KIAA0319: variants seen among roughly 807,000 people sequenced by gnomAD.
KIAA0319 encodes dyslexia-associated protein KIAA0319.
A neutral mutation model predicts 108.4 loss-of-function variants in KIAA0319; 83 were observed. The observed-to-expected ratio is 0.77, with a 90% CI of 0.64 to 0.92. The LOEUF is 0.92. Among genes scored for constraint, KIAA0319 ranks in the 40% least tolerant of loss-of-function variants. The pLI is 0.00. For missense variants in KIAA0319, 1,195 were observed against 1,322.4 expected, an observed-to-expected ratio of 0.90 and a Z score of 1.49; for synonymous variants, 484 against 510.4, an observed-to-expected ratio of 0.95 and a Z score of 0.70.
At chr6:24,583,483 C>T (rs748089189) in intron 5 of KIAA0319, 121 bp downstream of exon 5, 88 of 718,210 alleles carry the variant, frequency 1.2e-4, no homozygotes, top group Non-Finnish European at 1.9e-4. Context: ...TGTCCTCCAC[C>T]TTTGTTTGTG....
At chr6:24,628,147 A>G (rs1342238152) in intron 1 of KIAA0319, among the ~76,000 whole-genome samples, 2 of 152,196 alleles carry the variant, frequency 1.3e-5, no homozygotes, top group Non-Finnish European at 2.9e-5. Flanking sequence ...AGCTTCCTAA[A>G]TCACCATATT....
chr6:24,570,921 T>C (rs1371712220), intron 11 of KIAA0319, among the ~76,000 whole-genome samples: 1 of 152,204 alleles, frequency 6.6e-6, no homozygotes, highest in African/African-American at 2.4e-5. Context: ...CAGGGCGTGG[T>C]AGTTCACGCC....
In KIAA0319 at chr6:24,583,678, C is replaced by T; in HGVS notation, c.1019G>A (p.Gly340Glu). ...RTVKELTVSA[G>E]DNLIITLPDN... ...GGGTAAAGTTATAATTAGGTTATCT[C>T]CAGCCGATACCGTAAGTTCTTTCAC... The change falls in exon 5 of 21, where the codon GGA becomes GAA. Residue 340 changes from glycine to glutamate, a missense_variant. Gly to Glu is a moderately conservative substitution (Grantham distance 98). Coordinates refer to ENST00000378214, the MANE Select transcript of KIAA0319 (RefSeq NM_014809.4). 6.2e-7 allele frequency: 1 copy of T among 1,612,486 alleles called. No homozygotes were observed. Among genetic ancestry groups the T allele is most frequent in the Non-Finnish European group, 8.5e-7 (1 of 1,178,764 alleles).
At chr6:24,566,171 G>A (rs1379429222) in intron 14 of KIAA0319, among the ~76,000 whole-genome samples, 1 of 152,224 alleles carries the variant, frequency 6.6e-6, no homozygotes, top group Non-Finnish European at 1.5e-5. Flanking sequence ...GGACCGAACT[G>A]TGTCTTTCCC....
chr6:24,553,270 G>GATATATATATATATATATATATATATAT (rs1341452189), intron 19 of KIAA0319, among the ~76,000 whole-genome samples: 8 of 105,984 alleles, frequency 7.5e-5, no homozygotes, highest in African/African-American at 2.8e-4. Context: ...GTACTTGTGA[G>GATATATATATATATATATATATATATAT]ATAGATATAT....
intron 1 of KIAA0319, among the ~76,000 whole-genome samples, chr6:24,604,421 C>T (rs1440370474): frequency 6.6e-6 from 1 of 152,200 alleles, no homozygotes; most frequent in Admixed American, 6.5e-5. Context: ...TCAAGAATCC[C>T]ATGGATACAG....
At chr6:24,550,451 A>AG (rs1258430332) in intron 20 of KIAA0319, among the ~76,000 whole-genome samples, 1 of 152,276 alleles carries the variant, frequency 6.6e-6, no homozygotes, top group African/African-American at 2.4e-5. Flanking sequence ...ATCGGTGTTT[A>AG]GCAGCCTCAG....
chr6:24,554,730 G>A, intron 18 of KIAA0319, 99 bp from the exon 19 acceptor site: 1 of 836,436 alleles, frequency 1.2e-6, no homozygotes, highest in Non-Finnish European at 2.0e-6. Flanking sequence ...TCCCTACAAG[G>A]AAAGGCCACC....
Position 24,612,821 on chromosome 6 carries a change from C to CT in KIAA0319, c.-105-11614dup, listed in dbSNP as rs562155088. 9.9e-4 allele frequency among the ~76,000 whole-genome samples: 151 copies of CT among 152,250 alleles called. 1 individual carries two copies. The highest frequency in any genetic ancestry group is 3.4e-3 in the African/African-American group (142 of 41,542). ...TTTTTTGTTGTTGTTGTTTTTGAGA[C>CT]TGAGTCTCACTCTGTCGCCCAGGCT... On this transcript the variant is annotated intron_variant, in intron 1 of 20. Coordinates refer to ENST00000378214, the MANE Select transcript of KIAA0319 (RefSeq NM_014809.4).
chr6:24,572,454 T>G, intron 11 of KIAA0319, 121 bp downstream of exon 11: 1 of 1,113,364 alleles, frequency 9.0e-7, no homozygotes, highest in Middle Eastern at 2.4e-4. Context: ...GAAATTAGTT[T>G]TATATGGAGC....
At chr6:24,605,088 G>A (rs563111456) in intron 1 of KIAA0319, among the ~76,000 whole-genome samples, 1 of 152,156 alleles carries the variant, frequency 6.6e-6, no homozygotes, top group Non-Finnish European at 1.5e-5. Flanking sequence ...TGATCCACCC[G>A]CCTTGGCCTC....
chr6:24,557,154 G>A (rs1055450552), intron 17 of KIAA0319, among the ~76,000 whole-genome samples: 1 of 152,068 alleles, frequency 6.6e-6, no homozygotes, highest in Non-Finnish European at 1.5e-5. Flanking sequence ...GCAGTGAGCC[G>A]AGATCGCGCC....
intron 15 of KIAA0319, 31 bp downstream of exon 15, chr6:24,564,171 G>A (rs1763520131): frequency 6.2e-7 from 1 of 1,613,664 alleles, no homozygotes; most frequent in East Asian, 2.2e-5. Context: ...GCCAGAGCCT[G>A]CATGGCCAGC....
downstream of KIAA0319, among the ~76,000 whole-genome samples, chr6:24,541,961 G>A (rs932848054): frequency 4.3e-4 from 65 of 152,290 alleles, no homozygotes; most frequent in African/African-American, 1.5e-3. Flanking sequence ...CCAACATGGC[G>A]AAACTCCGTC....
At chr6:24,586,409 AAAG>A (rs1186209432) in intron 4 of KIAA0319, among the ~76,000 whole-genome samples, 2 of 152,246 alleles carry the variant, frequency 1.3e-5, no homozygotes, top group Non-Finnish European at 2.9e-5. Context: ...TTATATCTAT[AAAG>A]GAAATCTCCA....
intron 17 of KIAA0319, among the ~76,000 whole-genome samples, chr6:24,558,376 G>C (rs201482317): frequency 0.16 from 21,920 of 138,968 alleles, 1,843 homozygotes; most frequent in Middle Eastern, 0.2. Context: ...TAGATAGATA[G>C]ATAGATAGAT....
intron 8 of KIAA0319, among the ~76,000 whole-genome samples, chr6:24,579,412 G>GATTATATATATATATATAT (rs1766042061): frequency 7.9e-6 from 1 of 127,254 alleles, no homozygotes; most frequent in African/African-American, 3.2e-5. Context: ...TCTATATAAA[G>GATTATATATATATATATAT]ATATATATAT....
At chr6:24,640,196 C>T (rs973346949) in intron 1 of KIAA0319, among the ~76,000 whole-genome samples, 2 of 152,036 alleles carry the variant, frequency 1.3e-5, no homozygotes, top group South Asian at 2.1e-4. Context: ...AAAAATAAAA[C>T]AGTCCCTTCT....
intron 1 of KIAA0319, among the ~76,000 whole-genome samples, chr6:24,631,338 A>G (rs548581367): frequency 6.6e-6 from 1 of 152,350 alleles, no homozygotes; most frequent in South Asian, 2.1e-4. Context: ...AGTGCTAGAA[A>G]GGAAGGAGGG....
Sources: allele counts gnomAD v4.1 joint callset (sites outside exome capture counted in the v4.1 genomes callset), GRCh38; gene constraint gnomAD v4.1.1; transcripts MANE v1.5; gene names NCBI Gene and HGNC (gene_info 2026-07-23, HGNC 2026-07-21).